ZFHX3: variants seen among roughly 807,000 people sequenced by gnomAD.
ZFHX3 encodes the protein zinc finger homeobox 3.
Under a neutral mutation model 279.1 loss-of-function variants are expected in ZFHX3, and 42 were observed. The ratio of observed to expected loss-of-function variants is 0.15; its 90% CI spans 0.12 to 0.19. The LOEUF is 0.19. Ranked by LOEUF, ZFHX3 falls within the 10% of genes least tolerant of loss-of-function variation. The probability of loss-of-function intolerance (pLI) is 1.00; values close to 1 mark genes in which losing one functional copy is unlikely to be tolerated. For missense variants in ZFHX3, 4,981 were observed against 4,754.0 expected, an observed-to-expected ratio of 1.05 and a Z score of -1.40; for synonymous variants, 2,293 against 1,957.8, an observed-to-expected ratio of 1.17 and a Z score of -4.52.
chr16:73,392,418 CAAAAAAAA>C (rs35019692), intron 3 of ZFHX3, among the ~76,000 whole-genome samples: 21 of 35,800 alleles, frequency 5.9e-4, no homozygotes, highest in South Asian at 1.3e-3. Flanking sequence ...GACCCTGTCT[CAAAAAAAA>C]AAAAAAAAAA....
intron 5 of ZFHX3, among the ~76,000 whole-genome samples, chr16:73,191,378 C>T (rs1285040599): frequency 6.6e-6 from 1 of 152,106 alleles, no homozygotes; most frequent in Non-Finnish European, 1.5e-5. Flanking sequence ...CAGACTGAAG[C>T]GTAGCCTCAG....
At chr16:73,466,975 A>C (rs556898985) in intron 2 of ZFHX3, among the ~76,000 whole-genome samples, 2 of 152,276 alleles carry the variant, frequency 1.3e-5, no homozygotes, top group South Asian at 4.1e-4. Flanking sequence ...TAGGGTAACA[A>C]AGGTTGAGCG....
At chr16:72,996,639 G>A (rs1349604603) in intron 1 of ZFHX3, among the ~76,000 whole-genome samples, 1 of 152,244 alleles carries the variant, frequency 6.6e-6, no homozygotes, top group Non-Finnish European at 1.5e-5. Flanking sequence ...CTGGGGGCGT[G>A]GGAACCCCGC....
chr16:73,056,641 G>A (rs561585270), intron 1 of ZFHX3, among the ~76,000 whole-genome samples: 6 of 152,348 alleles, frequency 3.9e-5, no homozygotes, highest in East Asian at 1.9e-4. Flanking sequence ...GGGCAGGGCA[G>A]TAAATTCTGG....
chr16:73,596,208 A>G (rs372195893), intron 2 of ZFHX3, among the ~76,000 whole-genome samples: 7 of 152,058 alleles, frequency 4.6e-5, no homozygotes, highest in African/African-American at 1.7e-4. Context: ...TTTTTAGTAG[A>G]GATGGGGTTT....
At chr16:73,063,943 G>A (rs1182060666), upstream of ZFHX3, among the ~76,000 whole-genome samples, 2 of 152,094 alleles carry the variant, frequency 1.3e-5, no homozygotes, top group African/African-American at 4.8e-5. Context: ...TCAGTGTCCG[G>A]CCCGCCAGGT....
intron 3 of ZFHX3, among the ~76,000 whole-genome samples, chr16:73,445,943 G>A (rs1253839243): frequency 6.6e-6 from 1 of 152,196 alleles, no homozygotes; most frequent in Non-Finnish European, 1.5e-5. Flanking sequence ...GAAACTTGCT[G>A]GATAATGTTC....
intron 5 of ZFHX3, among the ~76,000 whole-genome samples, chr16:73,250,542 T>C (rs920311374): frequency 6.6e-6 from 1 of 152,198 alleles, no homozygotes; most frequent in African/African-American, 2.4e-5. Context: ...TATTCATTTA[T>C]TTATTTTTTG....
chr16:73,548,650 T>C (rs993533023), intron 2 of ZFHX3, among the ~76,000 whole-genome samples: 3 of 152,170 alleles, frequency 2.0e-5, no homozygotes, highest in African/African-American at 7.2e-5. Flanking sequence ...TGGCATAAAC[T>C]ATTTTTGAAA....
chr16:73,590,264 A>G (rs572046071), intron 2 of ZFHX3, among the ~76,000 whole-genome samples: 106 of 152,230 alleles, frequency 7.0e-4, no homozygotes, highest in Non-Finnish European at 1.4e-3. Context: ...CTGGCCTGCT[A>G]CCAATGAGCA....
intron 5 of ZFHX3, among the ~76,000 whole-genome samples, chr16:73,248,790 T>A (rs980989178): frequency 6.6e-6 from 1 of 152,142 alleles, no homozygotes; most frequent in East Asian, 1.9e-4. Flanking sequence ...AGAAGTTGCA[T>A]TCGATCCTTA....
intron 2 of ZFHX3, among the ~76,000 whole-genome samples, chr16:73,476,608 T>A (rs528648451): frequency 2.0e-5 from 3 of 152,312 alleles, no homozygotes; most frequent in African/African-American, 7.2e-5. Flanking sequence ...TTGCAGCAAG[T>A]GGGAGGAAGC....
chr16:73,522,828 C>G (rs935425235), intron 2 of ZFHX3, among the ~76,000 whole-genome samples: 1 of 152,170 alleles, frequency 6.6e-6, no homozygotes, highest in Non-Finnish European at 1.5e-5. Context: ...CCTCAGGAAA[C>G]TTACAATCAT....
At chr16:73,082,416 C>T (rs1322698138) in intron 8 of ZFHX3, among the ~76,000 whole-genome samples, 2 of 151,920 alleles carry the variant, frequency 1.3e-5, no homozygotes, top group African/African-American at 4.8e-5. Context: ...TACAGGCGCC[C>T]GCTACCACGC....
At chr16:73,432,045 T>C (rs1216278089) in intron 3 of ZFHX3, among the ~76,000 whole-genome samples, 1 of 152,202 alleles carries the variant, frequency 6.6e-6, no homozygotes, top group Non-Finnish European at 1.5e-5. Context: ...GAGGTCACCC[T>C]GAGCACAGGG....
chr16:73,810,697 CA>C (rs922965436), intron 1 of ZFHX3, among the ~76,000 whole-genome samples: 7 of 149,900 alleles, frequency 4.7e-5, no homozygotes, highest in East Asian at 2.0e-4. Flanking sequence ...CATTCAACAA[CA>C]AAAAAAAATG....
chr16:72,882,977 GGTGTGTGTGTGTGTGT>G (rs56328056), intron 4 of ZFHX3, among the ~76,000 whole-genome samples: 1,481 of 65,386 alleles, frequency 0.023, 25 homozygotes, highest in Admixed American at 0.03. Context: ...ACCACTCTGG[GGTGTGTGTGTGTGTGT>G]GTGTGTGTGT....
chr16:73,857,302 TGTATTACA>T (rs1961757957), intron 1 of ZFHX3, among the ~76,000 whole-genome samples: 1 of 152,220 alleles, frequency 6.6e-6, no homozygotes. Context: ...CAAAATGTGC[TGTATTACA>T]GTTTGGAGAA....
chr16:73,109,156 G>A (rs190850299), intron 7 of ZFHX3, among the ~76,000 whole-genome samples: 12 of 152,342 alleles, frequency 7.9e-5, no homozygotes, highest in Non-Finnish European at 1.5e-4. Flanking sequence ...ACTGTTTCAC[G>A]TGTATTTTTC....
Sources: allele counts gnomAD v4.1 joint callset (sites outside exome capture counted in the v4.1 genomes callset), GRCh38; gene constraint gnomAD v4.1.1; transcripts MANE v1.5; gene names NCBI Gene and HGNC (gene_info 2026-07-23, HGNC 2026-07-21).